ANKRD26: variants seen among roughly 807,000 people sequenced by gnomAD.
ANKRD26 encodes the protein ankyrin repeat domain-containing protein 26.
A neutral mutation model predicts 208.7 loss-of-function variants in ANKRD26; 141 were observed. The ratio of observed to expected loss-of-function variants is 0.68; its 90% CI spans 0.59 to 0.78. ANKRD26 has a LOEUF of 0.78. Among genes scored for constraint, ANKRD26 ranks in the 30% least tolerant of loss-of-function variants. ANKRD26 has a pLI of 0.00. For missense variants in ANKRD26, 1,889 were observed against 1,938.7 expected (o/e 0.97, Z 0.48); for synonymous variants, 636 against 660.4 (o/e 0.96, Z 0.57).
At chr10:27,072,798 G>T (rs2055553302) in intron 9 of ANKRD26, among the ~76,000 whole-genome samples, 1 of 152,198 alleles carries the variant, frequency 6.6e-6, no homozygotes, top group Non-Finnish European at 1.5e-5. Flanking sequence ...AACTGTCTAT[G>T]TGCCCAGCAC....
Position 27,046,439 on chromosome 10 carries a change from C to T in ANKRD26, c.1899G>A (p.Val633=). Residue 633 remains valine, a synonymous_variant, in exon 18 of 34, where the codon GTG becomes GTA. Coordinates refer to ENST00000376087, the MANE Select transcript of ANKRD26 (RefSeq NM_014915.3). ...RTSKESVNSP[V]FGKASLLTGG... ...CAGTTAGTAAACTGGCCTTCCCAAA[C>T]ACTGGTGAATTCACAGATTCTTTCG... 6.2e-7 allele frequency: 1 copy of T among 1,614,130 alleles called. No individual in the cohort carries two copies. Among genetic ancestry groups the T allele is most frequent in the Non-Finnish European group, 8.5e-7 (1 of 1,180,010 alleles).
chr10:27,013,459 C>T (rs2053185437), intron 31 of ANKRD26, among the ~76,000 whole-genome samples: 1 of 152,170 alleles, frequency 6.6e-6, no homozygotes, highest in Non-Finnish European at 1.5e-5. Context: ...ATTAAAAATA[C>T]TTGTCTTTAA....
chr10:27,001,513 A>G (rs1183957320), downstream of ANKRD26, among the ~76,000 whole-genome samples: 1 of 152,196 alleles, frequency 6.6e-6, no homozygotes, highest in Non-Finnish European at 1.5e-5. Context: ...TGATTTACAT[A>G]GGGCACAAAA....
At chr10:27,082,993 C>T (rs964367534) in intron 5 of ANKRD26, among the ~76,000 whole-genome samples, 160 bp from the exon 6 acceptor site, 2 of 152,080 alleles carry the variant, frequency 1.3e-5, no homozygotes, top group African/African-American at 4.8e-5. Flanking sequence ...ATTATACTCA[C>T]ATGTATAGAA....
chr10:27,044,284 T>C (rs1159773637), intron 18 of ANKRD26, 94 bp from the exon 19 acceptor site: 4 of 1,101,502 alleles, frequency 3.6e-6, no homozygotes, highest in Non-Finnish European at 5.0e-6. Flanking sequence ...AGCTCTGCAT[T>C]TGTAATTTAT....
chr10:27,035,690 T>C lies in ANKRD26; in HGVS notation c.2760A>G (p.Glu920=), dbSNP rs1261337488. 6.2e-7 allele frequency: 1 copy of C among 1,603,324 alleles called. No homozygotes were observed. The highest frequency in any genetic ancestry group is 1.1e-5 in the South Asian group (1 of 88,940). The stretch of plus-strand genomic sequence containing the variant: ...CTATTTCTAGTCTTAGCATAGCAAT[T>C]TCTTCCTGCAACATGCTATTTTTAT... The part of the protein sequence containing the change: ...LSHKNSMLQE[E]IAMLRLEIDT... The change falls in exon 24 of 34, where the codon GAA becomes GAG. Residue 920 remains glutamate, a synonymous_variant. Coordinates refer to ENST00000376087, the MANE Select transcript of ANKRD26 (RefSeq NM_014915.3).
In ANKRD26 at chr10:27,022,638, T is replaced by A. The variant is rs1376463625; in HGVS notation, c.4135A>T (p.Asn1379Tyr). The part of the protein sequence containing the change: ...MTRKKLNEYE[N>Y]GEFSFHGDLK... Reference sequence around the variant, plus strand: ...TCTCCATGGAAACTAAATTCTCCATTTTCATATTCATTTAACTTCTTTCTT... The same window carrying A: ...TCTCCATGGAAACTAAATTCTCCATATTCATATTCATTTAACTTCTTTCTT... Residue 1379 changes from asparagine to tyrosine, a missense_variant, in exon 29 of 34, where the codon AAT becomes TAT. By Grantham distance (143) the Asn-to-Tyr change is moderately radical. Around this residue, in one of 3 missense-constraint regions of ANKRD26, gnomAD observed 613 missense variants for 648.2 expected, o/e 0.95. Coordinates refer to ENST00000376087, the MANE Select transcript of ANKRD26 (RefSeq NM_014915.3). The A allele has an allele frequency of 1.3e-6, 2 of 1,579,152 alleles. No homozygotes were observed. Among genetic ancestry groups the A allele is most frequent in the Non-Finnish European group, 1.7e-6 (2 of 1,153,188 alleles).
At chr10:27,067,354 A>G (rs763861819) in intron 9 of ANKRD26, 68 bp from the exon 10 acceptor site, 27 of 1,552,038 alleles carry the variant, frequency 1.7e-5, no homozygotes, top group Non-Finnish European at 2.3e-5. Context: ...TTACCCATTC[A>G]ATCACTGTAT....
chr10:27,084,265 T>C (rs1361379080), intron 5 of ANKRD26, among the ~76,000 whole-genome samples: 1 of 150,888 alleles, frequency 6.6e-6, no homozygotes, highest in Non-Finnish European at 1.5e-5. Context: ...TTGCATTCTG[T>C]AACGTTAGAA....
chr10:27,053,632 T>A (rs940659002), intron 15 of ANKRD26, among the ~76,000 whole-genome samples: 5 of 152,218 alleles, frequency 3.3e-5, no homozygotes, highest in Non-Finnish European at 7.3e-5. Context: ...GAAATACTTC[T>A]AAGTATCAAC....
chr10:27,016,579 G>T (rs1328497859), intron 30 of ANKRD26, among the ~76,000 whole-genome samples: 14 of 145,760 alleles, frequency 9.6e-5, no homozygotes, highest in South Asian at 6.5e-4. Flanking sequence ...GCCCAGCTTT[G>T]TTTTTTTTTT....
downstream of ANKRD26, among the ~76,000 whole-genome samples, chr10:26,972,781 G>A (rs1287052500): frequency 6.6e-6 from 1 of 151,844 alleles, no homozygotes; most frequent in Non-Finnish European, 1.5e-5. Context: ...TAGTAGAGAC[G>A]GGGTTTCACC....
intron 3 of ANKRD26, among the ~76,000 whole-genome samples, chr10:26,986,791 A>C (rs1441108531): frequency 6.6e-6 from 1 of 152,266 alleles, no homozygotes; most frequent in Non-Finnish European, 1.5e-5. Context: ...CAGGTGCTGG[A>C]GAGGATGTGG....
chr10:27,044,275 G>A, intron 18 of ANKRD26, 85 bp from the exon 19 acceptor site: 1 of 1,180,884 alleles, frequency 8.5e-7, no homozygotes, highest in South Asian at 1.4e-5. Flanking sequence ...TTAAATAAAA[G>A]CTCTGCATTT....
At chr10:27,023,988 A>ACACT (rs1350930944) in intron 28 of ANKRD26, among the ~76,000 whole-genome samples, 1 of 151,608 alleles carries the variant, frequency 6.6e-6, no homozygotes, top group Admixed American at 6.6e-5. Flanking sequence ...CTACACACAC[A>ACACT]CACACACACA....
At chr10:27,060,058 G>C (rs1274220499) in intron 15 of ANKRD26, among the ~76,000 whole-genome samples, 1 of 151,752 alleles carries the variant, frequency 6.6e-6, no homozygotes, top group African/African-American at 2.4e-5. Context: ...AAATTTGCCA[G>C]GCGTAGTGAT....
Position 27,012,910 on chromosome 10 carries a change from T to C in ANKRD26, c.4925A>G (p.Asn1642Ser), listed in dbSNP as rs1283156917. The C allele has an allele frequency of 1.4e-5, 22 of 1,614,046 alleles. No homozygotes were observed. The highest frequency in any genetic ancestry group is 1.9e-5 in the Non-Finnish European group (22 of 1,179,898). The change falls in exon 32 of 34, where the codon AAT becomes AGT. Residue 1642 changes from asparagine (N) to serine (S), a missense_variant. Asn to Ser is a conservative substitution (Grantham distance 46). Transcript: ENST00000376087. ...GCTCAAGTAGTTCTCCATGCTATTA[T>C]TTGAAGCCCGTGGATTTGAGGTAGA... The part of the protein sequence containing the change: ...VISTSNPRAS[N>S]NSMENYLSKM...
At chr10:27,093,855 A>G (rs1439247566) in intron 1 of ANKRD26, 56 bp from the exon 2 acceptor site, 5 of 1,293,258 alleles carry the variant, frequency 3.9e-6, no homozygotes, top group Non-Finnish European at 5.6e-6. Context: ...AAAACATACA[A>G]TGGTTCATAA....
intron 4 of ANKRD26, among the ~76,000 whole-genome samples, chr10:27,090,148 A>G (rs1442257630): frequency 6.6e-6 from 1 of 152,170 alleles, no homozygotes; most frequent in Non-Finnish European, 1.5e-5. Flanking sequence ...GGGGTGTTCT[A>G]AAATAAGAGA....
Sources: gnomAD v4.1 joint callset for allele counts (sites outside exome capture counted in the v4.1 genomes callset) on GRCh38, gnomAD v4.1.1 for gene constraint, gnomAD v4.1.1 regional missense constraint, MANE v1.5 for transcripts, NCBI Gene and HGNC (gene_info 2026-07-23, HGNC 2026-07-21) for gene names.